Variants in CTNND2 observed in about 807,000 individuals in gnomAD.
CTNND2 encodes the protein catenin delta-2.
CTNND2 carries 22 observed loss-of-function variants against 144.4 expected under a neutral mutation model. The ratio of observed to expected loss-of-function variants is 0.15; its 90% confidence interval spans 0.11 to 0.22. The LOEUF is 0.22. Ranked by LOEUF, CTNND2 falls within the 10% of genes least tolerant of loss-of-function variation. The pLI, the probability that CTNND2 is intolerant of heterozygous loss-of-function variation, is 1.00. For synonymous variants in CTNND2, 751 were observed against 695.6 expected, an observed-to-expected ratio of 1.08 and a Z score of -1.25; for missense variants, 1,353 against 1,618.8, an observed-to-expected ratio of 0.84 and a Z score of 2.82.
chr5:11,707,100 A>C (rs370870193), intron 2 of CTNND2, among the ~76,000 whole-genome samples: 1 of 151,818 alleles, frequency 6.6e-6, no homozygotes, highest in African/African-American at 2.4e-5. Flanking sequence ...AAAAAAAAAA[A>C]GAAAGTGAAA....
chr5:11,891,282 C>T (rs1450256725), intron 1 of CTNND2, among the ~76,000 whole-genome samples: 1 of 152,174 alleles, frequency 6.6e-6, no homozygotes, highest in Non-Finnish European at 1.5e-5. Flanking sequence ...TGAATAATCA[C>T]TTATTAATAA....
intron 6 of CTNND2, among the ~76,000 whole-genome samples, chr5:11,386,162 T>A (rs1293175848): frequency 6.6e-6 from 1 of 152,194 alleles, no homozygotes; most frequent in African/African-American, 2.4e-5. Context: ...CACTACATTG[T>A]CAACCACTTC....
intron 9 of CTNND2, among the ~76,000 whole-genome samples, chr5:11,255,966 C>G (rs1287414580): frequency 6.6e-6 from 1 of 152,196 alleles, no homozygotes; most frequent in East Asian, 1.9e-4. Context: ...TACTGACCTT[C>G]CAGCAACCCT....
At chr5:11,525,943 C>T (rs1211088264) in intron 3 of CTNND2, among the ~76,000 whole-genome samples, 1 of 152,178 alleles carries the variant, frequency 6.6e-6, no homozygotes, top group East Asian at 1.9e-4. Flanking sequence ...CTCGCTCTGT[C>T]ACCCAGGCTG....
chr5:11,768,525 A>G (rs981068816), intron 1 of CTNND2, among the ~76,000 whole-genome samples: 2 of 152,152 alleles, frequency 1.3e-5, no homozygotes, highest in African/African-American at 2.4e-5. Context: ...TCCTAACCCC[A>G]TGTGATCGGC....
chr5:11,319,908 A>G (rs1751867307), intron 9 of CTNND2, among the ~76,000 whole-genome samples: 1 of 152,198 alleles, frequency 6.6e-6, no homozygotes, highest in African/African-American at 2.4e-5. Context: ...TTAGCCTGTC[A>G]TATTTTAGTG....
intron 17 of CTNND2, among the ~76,000 whole-genome samples, chr5:11,021,514 A>C (rs1472933755): frequency 6.6e-6 from 1 of 152,196 alleles, no homozygotes; most frequent in Non-Finnish European, 1.5e-5. Flanking sequence ...ACTTTATTGT[A>C]AGTACAATAT....
At chr5:10,985,042 C>A (rs1737763551) in intron 20 of CTNND2, among the ~76,000 whole-genome samples, 1 of 151,854 alleles carries the variant, frequency 6.6e-6, no homozygotes, top group Admixed American at 6.6e-5. Context: ...CCACTGCACT[C>A]CAGCCTGGGC....
At chr5:11,152,356 T>G (rs1757817055) in intron 12 of CTNND2, among the ~76,000 whole-genome samples, 1 of 152,238 alleles carries the variant, frequency 6.6e-6, no homozygotes, top group Admixed American at 6.5e-5. Flanking sequence ...TTACCATTTG[T>G]GTTACAACTG....
At chr5:11,626,099 A>G (rs2126448625) in intron 2 of CTNND2, among the ~76,000 whole-genome samples, 1 of 152,272 alleles carries the variant, frequency 6.6e-6, no homozygotes, top group East Asian at 1.9e-4. Context: ...ATAAAACATG[A>G]GGCCATAATG....
intron 3 of CTNND2, among the ~76,000 whole-genome samples, chr5:11,487,968 G>C (rs112459362): frequency 3.3e-4 from 51 of 152,286 alleles, no homozygotes; most frequent in African/African-American, 1.2e-3. Context: ...CTAACCTGCA[G>C]ATAGCAGGTA....
At chr5:11,842,947 G>GT (rs1554130068) in intron 1 of CTNND2, among the ~76,000 whole-genome samples, 1 of 152,052 alleles carries the variant, frequency 6.6e-6, no homozygotes, top group African/African-American at 2.4e-5. Context: ...AGGTACAGCA[G>GT]TTTTTTTCAA....
chr5:11,078,797 G>A (rs1749221338), intron 16 of CTNND2, among the ~76,000 whole-genome samples: 2 of 152,118 alleles, frequency 1.3e-5, no homozygotes, highest in Non-Finnish European at 2.9e-5. Flanking sequence ...AGAGTATATG[G>A]GAAGAGTACC....
intron 12 of CTNND2, among the ~76,000 whole-genome samples, chr5:11,148,367 G>A (rs566051861): frequency 6.6e-6 from 1 of 152,330 alleles, no homozygotes; most frequent in South Asian, 2.1e-4. Flanking sequence ...AGAAAGGATA[G>A]GGGAGGAAAT....
intron 18 of CTNND2, 87 bp downstream of exon 18, chr5:11,017,887 G>A: frequency 1.0e-6 from 1 of 998,056 alleles, no homozygotes; most frequent in South Asian, 1.3e-5. Context: ...GACTGAGGCT[G>A]TGGGAAAGTG....
intron 2 of CTNND2, among the ~76,000 whole-genome samples, chr5:11,589,293 A>ACACACAC (rs944371145): frequency 1.3e-5 from 2 of 150,718 alleles, no homozygotes; most frequent in African/African-American, 4.9e-5. Flanking sequence ...ACACACACAC[A>ACACACAC]CACACACACA....
chr5:11,222,631 C>T (rs1013832431), intron 10 of CTNND2, among the ~76,000 whole-genome samples: 4 of 152,156 alleles, frequency 2.6e-5, no homozygotes, highest in Admixed American at 2.6e-4. Flanking sequence ...CATAGGGAGA[C>T]CCTGTCTCTA....
chr5:11,576,894 A>C (rs2150123984), intron 2 of CTNND2, among the ~76,000 whole-genome samples: 1 of 152,270 alleles, frequency 6.6e-6, no homozygotes, highest in South Asian at 2.1e-4. Flanking sequence ...GAGAATTCCC[A>C]GTGAGTTACC....
intron 2 of CTNND2, among the ~76,000 whole-genome samples, chr5:11,624,260 T>C (rs1221144390): frequency 1.3e-5 from 2 of 152,082 alleles, no homozygotes; most frequent in African/African-American, 4.8e-5. Flanking sequence ...TACCAAAGCG[T>C]GTTAAATTTA....
Sources: allele counts gnomAD v4.1 joint callset (sites outside exome capture counted in the v4.1 genomes callset), GRCh38; gene constraint gnomAD v4.1.1; transcripts MANE v1.5; gene names NCBI Gene and HGNC (gene_info 2026-07-23, HGNC 2026-07-21).